The following CDK14 variants were observed in gnomAD, a reference collection of about 807,000 sequenced individuals.
The protein encoded by CDK14 is cyclin dependent kinase 14, also known as cyclin-dependent kinase 14.
Under a neutral mutation model 60.7 loss-of-function variants are expected in CDK14, and 34 were observed. The observed-to-expected ratio is 0.56, with a 90% CI of 0.43 to 0.75. CDK14 has a LOEUF of 0.75. Ranked by LOEUF, CDK14 falls within the 30% of genes least tolerant of loss-of-function variation. CDK14 has a pLI of 0.00. For missense variants in CDK14, 482 were observed against 564.1 expected, an observed-to-expected ratio of 0.85 and a Z score of 1.47; for synonymous variants, 197 against 203.7, an observed-to-expected ratio of 0.97 and a Z score of 0.28.
intron 14 of CDK14, among the ~76,000 whole-genome samples, chr7:91,169,635 T>C (rs1276947088): frequency 2.6e-5 from 4 of 152,210 alleles, no homozygotes; most frequent in African/African-American, 9.6e-5. Context: ...TCAAGTGGAT[T>C]AAGCCAATTT....
chr7:90,912,930 A>T (rs925046538), intron 7 of CDK14, among the ~76,000 whole-genome samples: 12 of 152,166 alleles, frequency 7.9e-5, no homozygotes, highest in Admixed American at 4.6e-4. Flanking sequence ...CTATTTATAT[A>T]AAATTATTCT....
At position 90,596,419 on chromosome 7, in the gene CDK14, GC is replaced by G; in HGVS notation, c.-206del. The stretch of plus-strand genomic sequence containing the variant: ...CCCCGGCACCACGTAAACCGCCCCC[GC>G]CCGCCCAGCTGCGGCCCAGGCCGGA... On this transcript the variant is annotated 5_prime_UTR_variant, in exon 1 of 15. Coordinates refer to ENST00000380050, the MANE Select transcript of CDK14 (RefSeq NM_001287135.2). The G allele has an allele frequency of 3.2e-6, 1 of 310,420 alleles. No homozygotes were observed. The highest frequency in any genetic ancestry group is 5.1e-5 in the Admixed American group (1 of 19,462). 19.2% of individuals were successfully genotyped at this position (310,420 alleles called of 1,614,324 possible).
rs530784728 is a variant in CDK14 at position 91,168,681 on chromosome 7, T to TAA, written c.*29-38483_*29-38482dup. Among the ~76,000 whole-genome samples the TAA allele has an allele frequency of 3.5e-3, 531 of 152,346 alleles. 3 individuals are homozygous for TAA. The highest frequency in any genetic ancestry group is 5.3e-3 in the Non-Finnish European group (361 of 68,036). On this transcript the variant is annotated intron_variant, in intron 14 of 14. Transcript: ENST00000380050. The stretch of plus-strand genomic sequence containing the variant: ...CTAACACAAGTTACATTTTATTTCT[T>TAA]AATTAAGTATCACACTTTATACCAT...
chr7:91,018,320 C>G (rs1796352610), intron 10 of CDK14, among the ~76,000 whole-genome samples: 1 of 152,126 alleles, frequency 6.6e-6, no homozygotes, highest in South Asian at 2.1e-4. Flanking sequence ...GTCTTAGTCT[C>G]TTTGAGTTGC....
intron 5 of CDK14, among the ~76,000 whole-genome samples, chr7:90,808,875 A>G (rs946567659): frequency 9.2e-5 from 14 of 152,206 alleles, no homozygotes; most frequent in Admixed American, 6.5e-4. Context: ...AAAGAAGACC[A>G]TTACATAATG....
At chr7:91,179,104 A>G (rs1801894294) in intron 14 of CDK14, among the ~76,000 whole-genome samples, 1 of 152,188 alleles carries the variant, frequency 6.6e-6, no homozygotes, top group Admixed American at 6.5e-5. Flanking sequence ...TGGCACATAT[A>G]CACCATGGAA....
chr7:90,609,180 C>T (rs1799484425), intron 2 of CDK14, among the ~76,000 whole-genome samples: 1 of 152,054 alleles, frequency 6.6e-6, no homozygotes, highest in Non-Finnish European at 1.5e-5. Context: ...GCATCCACCA[C>T]CACCTGGCTA....
chr7:91,174,641 C>T (rs1801661237), intron 14 of CDK14, among the ~76,000 whole-genome samples: 3 of 130,248 alleles, frequency 2.3e-5, no homozygotes, highest in African/African-American at 8.6e-5. Context: ...AACCAAGGCT[C>T]GAGAACTACG....
intron 12 of CDK14, among the ~76,000 whole-genome samples, chr7:91,095,909 A>G (rs1798969770): frequency 6.6e-6 from 1 of 151,840 alleles, no homozygotes; most frequent in South Asian, 2.1e-4. Context: ...ATGTTGCTTA[A>G]TTTGTGTAGA....
chr7:91,127,818 T>C (rs1584100352), intron 14 of CDK14, among the ~76,000 whole-genome samples: 1 of 152,180 alleles, frequency 6.6e-6, no homozygotes, highest in African/African-American at 2.4e-5. Context: ...AGGAAATTAA[T>C]CTGCAGTTTA....
chr7:90,955,741 G>T lies in CDK14; in HGVS notation c.871G>T (p.Glu291Ter), dbSNP rs144455762. 1 of 1,613,312 alleles carries T rather than the reference G, an allele frequency of 6.2e-7. No individual in the cohort carries two copies. The highest frequency in any genetic ancestry group is 8.5e-7 in the Non-Finnish European group (1 of 1,179,508). The change falls in exon 9 of 15, where the codon GAA (glutamate) becomes TAA (stop). Residue 291 changes from glutamate to a stop codon, truncating the protein, a stop_gained. Transcript: ENST00000380050. LOFTEE classifies it high-confidence loss of function. ...KSVPSHTYSN[E>*]VVTLWYRPPD... ...CGTCCCTAGCCACACATACTCCAAC[G>T]AAGTGGTTACCTTGTGGTACAGACC...
intron 5 of CDK14, among the ~76,000 whole-genome samples, chr7:90,809,890 G>A (rs1268792024): frequency 5.3e-5 from 8 of 152,098 alleles, no homozygotes; most frequent in Non-Finnish European, 1.2e-4. Flanking sequence ...TAAATTCCTG[G>A]ACACATACAC....
chr7:90,922,520 A>G (rs927319173), intron 8 of CDK14, among the ~76,000 whole-genome samples: 8 of 152,178 alleles, frequency 5.3e-5, no homozygotes, highest in African/African-American at 1.9e-4. Flanking sequence ...TTAAGATTAC[A>G]TGTTAGGTAT....
At chr7:90,634,751 A>G (rs909693596) in intron 2 of CDK14, among the ~76,000 whole-genome samples, 1 of 151,944 alleles carries the variant, frequency 6.6e-6, no homozygotes, top group Non-Finnish European at 1.5e-5. Context: ...TCCCACCAAC[A>G]GTGTAAAAGT....
chr7:91,112,108 A>G (rs1799482034), intron 12 of CDK14, among the ~76,000 whole-genome samples: 1 of 152,230 alleles, frequency 6.6e-6, no homozygotes. Flanking sequence ...AGAGGAAAAG[A>G]AACTTTAGTA....
intron 5 of CDK14, among the ~76,000 whole-genome samples, chr7:90,855,660 T>C (rs1790797015): frequency 6.6e-6 from 1 of 152,160 alleles, no homozygotes; most frequent in East Asian, 1.9e-4. Flanking sequence ...AACAATACAT[T>C]TGTGAAAAAA....
intron 3 of CDK14, among the ~76,000 whole-genome samples, chr7:90,736,344 GTTTTTGT>G (rs773573695): frequency 0.067 from 2,744 of 41,024 alleles, 21 homozygotes; most frequent in East Asian, 0.3. Flanking sequence ...ACTTTATTAT[GTTTTTGT>G]TTTTTTTTTT....
chr7:90,920,676 A>G (rs1793220841), intron 8 of CDK14, among the ~76,000 whole-genome samples: 1 of 152,224 alleles, frequency 6.6e-6, no homozygotes, highest in Admixed American at 6.5e-5. Flanking sequence ...CTAGGAAATT[A>G]TTGATCGTTT....
At chr7:91,202,799 C>G (rs1802772985) in intron 14 of CDK14, among the ~76,000 whole-genome samples, 1 of 152,238 alleles carries the variant, frequency 6.6e-6, no homozygotes, top group South Asian at 2.1e-4. Context: ...CTCTTCTGTT[C>G]TCATTATTGG....
Sources: allele counts gnomAD v4.1 joint callset (sites outside exome capture counted in the v4.1 genomes callset), GRCh38; gene constraint gnomAD v4.1.1; transcripts MANE v1.5; gene names NCBI Gene and HGNC (gene_info 2026-07-23, HGNC 2026-07-21).